ADCY3: variants seen among roughly 807,000 people sequenced by gnomAD.
ADCY3 encodes the protein adenylate cyclase type 3.
ADCY3 carries 70 observed loss-of-function variants against 119.4 expected under a neutral mutation model. The ratio of observed to expected loss-of-function variants is 0.59; its 90% CI spans 0.48 to 0.72. ADCY3 has a LOEUF of 0.72. ADCY3 is among the 30% of genes least tolerant of loss of function. ADCY3 has a pLI of 0.00. For missense variants in ADCY3, 1,238 were observed against 1,541.6 expected (o/e 0.80, Z 3.30); for synonymous variants, 672 against 621.4 (o/e 1.08, Z -1.21).
chr2:24,830,651 G>A, intron 13 of ADCY3, 58 bp downstream of exon 13: 1 of 1,377,774 alleles, frequency 7.3e-7, no homozygotes, highest in Non-Finnish European at 1.0e-6. Context: ...GACCCAAACA[G>A]AAGCCCTTCT....
chr2:24,879,520 T>C, intron 2 of ADCY3, among the ~76,000 whole-genome samples: 1 of 138,640 alleles, frequency 7.2e-6, no homozygotes, highest in East Asian at 2.3e-4. Context: ...TGGCACAAAA[T>C]ACCCCTTTCA....
At chr2:24,833,974 G>T (rs1669954461) in intron 11 of ADCY3, among the ~76,000 whole-genome samples, 1 of 152,174 alleles carries the variant, frequency 6.6e-6, no homozygotes, top group Non-Finnish European at 1.5e-5. Context: ...ACAAGAGAGT[G>T]GTCGTCACCC....
rs1671012441 is a variant in ADCY3, at chr2:24,841,516, G to T, written c.1068+40C>A. Reference sequence around the variant, plus strand: ...TGGGGGCCAGGCAGAGGCCATGAGGGCAGGCCCCGCTGGAGAGCCAGGCGG... The same window carrying T: ...TGGGGGCCAGGCAGAGGCCATGAGGTCAGGCCCCGCTGGAGAGCCAGGCGG... On this transcript the variant is annotated intron_variant, in intron 5 of 21. Transcript: ENST00000679454. This position sits in a 1 kb window ranked among gnomAD's most constrained non-coding sequence, Gnocchi z 5.8. The T allele has an allele frequency of 1.9e-6, 3 of 1,598,182 alleles. No individual in the cohort carries two copies. Among genetic ancestry groups the T allele is most frequent in the East Asian group, 4.5e-5 (2 of 44,632 alleles).
intron 2 of ADCY3, among the ~76,000 whole-genome samples, chr2:24,912,331 AAAAAAGAAAAAAC>A (rs1663813511): frequency 6.6e-6 from 1 of 151,962 alleles, no homozygotes; most frequent in Admixed American, 6.6e-5. Flanking sequence ...AAGAAAAAGA[AAAAAAGAAAAAAC>A]AAAAAGAATG....
intron 19 of ADCY3, 198 bp downstream of exon 19, chr2:24,822,313 T>G: frequency 1.5e-6 from 1 of 678,824 alleles, no homozygotes; most frequent in South Asian, 2.0e-5. Context: ...CAGCAGGGGG[T>G]TGTGTGTCTG....
chr2:24,833,278 T>C (rs536882377), intron 11 of ADCY3, among the ~76,000 whole-genome samples: 2 of 152,266 alleles, frequency 1.3e-5, no homozygotes, highest in Admixed American at 6.5e-5. Flanking sequence ...TGTGCTGGAC[T>C]CCTGCTACTC....
At chr2:24,879,228 T>C (rs1169425092) in intron 2 of ADCY3, among the ~76,000 whole-genome samples, 4 of 147,410 alleles carry the variant, frequency 2.7e-5, no homozygotes, top group Non-Finnish European at 5.9e-5. Context: ...ATCCCAGCAC[T>C]TTGGGAGGCC....
chr2:24,849,626 T>C (rs868154567), intron 3 of ADCY3, among the ~76,000 whole-genome samples: 1 of 152,348 alleles, frequency 6.6e-6, no homozygotes, highest in Non-Finnish European at 1.5e-5. Flanking sequence ...GGAAACCTTA[T>C]AGTCAGGCTC....
intron 2 of ADCY3, among the ~76,000 whole-genome samples, chr2:24,908,546 CCA>C: frequency 6.6e-6 from 1 of 152,250 alleles, no homozygotes; most frequent in South Asian, 2.1e-4. Context: ...AGATGGTCTG[CCA>C]AGATTAAATG....
intron 7 of ADCY3, 25 bp from the exon 8 acceptor site, chr2:24,838,647 G>C (rs1158027639): frequency 1.2e-6 from 2 of 1,612,386 alleles, no homozygotes; most frequent in Non-Finnish European, 1.7e-6. Context: ...GAGAGGCCCT[G>C]AGCGTCGGCC....
At chr2:24,909,524 G>A (rs928049261) in intron 2 of ADCY3, among the ~76,000 whole-genome samples, 4 of 152,102 alleles carry the variant, frequency 2.6e-5, no homozygotes, top group African/African-American at 9.7e-5. Flanking sequence ...AATAAGGCAA[G>A]GCAAAGTCTA....
chr2:24,874,814 T>G (rs140874160), intron 2 of ADCY3, among the ~76,000 whole-genome samples: 65 of 152,320 alleles, frequency 4.3e-4, no homozygotes, highest in Admixed American at 9.2e-4. Context: ...TGTCCCCATA[T>G]TGTATGTACC....
intron 3 of ADCY3, among the ~76,000 whole-genome samples, chr2:24,851,894 C>T (rs1425330606): frequency 6.6e-6 from 1 of 152,200 alleles, no homozygotes; most frequent in African/African-American, 2.4e-5. Context: ...TGTTCCATTT[C>T]TTCCCTGCCG....
chr2:24,840,226 A>T (rs1670836323), intron 6 of ADCY3, among the ~76,000 whole-genome samples, 195 bp from the exon 7 acceptor site: 1 of 152,236 alleles, frequency 6.6e-6, no homozygotes. Context: ...ATCACAGGCC[A>T]GCAGGACGAG....
chr2:24,837,101 C>T (rs1670413226), intron 8 of ADCY3, 56 bp from the exon 9 acceptor site: 2 of 1,595,492 alleles, frequency 1.3e-6, no homozygotes, highest in Non-Finnish European at 1.7e-6. Flanking sequence ...GTGGCGTGGA[C>T]AGGTCTGGAA....
rs767195735 is a variant in ADCY3 at position 24,842,220 on chromosome 2, C to T, written c.956+34G>A. 1.9e-6 allele frequency: 3 copies of T among 1,613,014 alleles called. No individual in the cohort carries two copies. The highest frequency in any genetic ancestry group is 1.1e-5 in the South Asian group (1 of 91,008). ...AAGATGCAGCCCTCCACAGCCTGCT[C>T]TGCCATCAGAGCCCGCGCCCCGGGC... On this transcript the variant is annotated intron_variant, in intron 4 of 21. Coordinates refer to ENST00000679454, the MANE Select transcript of ADCY3 (RefSeq NM_004036.5). The surrounding 1 kb of genome is among the most constrained non-coding windows in gnomAD (Gnocchi z 4.9).
intron 3 of ADCY3, among the ~76,000 whole-genome samples, chr2:24,847,328 G>A (rs1671771931): frequency 6.6e-6 from 1 of 152,174 alleles, no homozygotes; most frequent in South Asian, 2.1e-4. Context: ...ATGTGGAACT[G>A]TAAGTCCAAT....
chr2:24,872,763 A>G lies in ADCY3; in HGVS notation c.676-44T>C. On this transcript the variant is annotated intron_variant, in intron 2 of 21. Transcript: ENST00000679454. The surrounding 1 kb of genome is among the most constrained non-coding windows in gnomAD (Gnocchi z 4.4). ...GAGAGAAAAGGCCAGGGGTGAAGGC[A>G]CGTCTTCAGAAAAGGGGATGGAGAA... is the stretch of plus-strand genomic sequence containing the variant. 1 of 1,593,966 alleles carries G rather than the reference A, an allele frequency of 6.3e-7. No individual in the cohort carries two copies.
chr2:24,862,415 G>A (rs911012488), intron 3 of ADCY3, among the ~76,000 whole-genome samples: 9 of 152,038 alleles, frequency 5.9e-5, no homozygotes, highest in South Asian at 2.1e-4. Flanking sequence ...GCATGGTGGC[G>A]GGCACCTGTA....
Sources: gnomAD v4.1 joint callset for allele counts (sites outside exome capture counted in the v4.1 genomes callset) on GRCh38, gnomAD v4.1.1 for gene constraint, Gnocchi (gnomAD v3.1) non-coding constraint, MANE v1.5 for transcripts, NCBI Gene and HGNC (gene_info 2026-07-23, HGNC 2026-07-21) for gene names.